Variants in EPS8 observed in about 807,000 individuals in gnomAD.
EPS8 encodes the protein EGFR pathway substrate 8, signaling adaptor.
A neutral mutation model predicts 103.8 loss-of-function variants in EPS8; 42 were observed. The ratio of observed to expected loss-of-function variants is 0.40; its 90% CI spans 0.32 to 0.52. The LOEUF (loss-of-function observed/expected upper bound fraction) is 0.52. Among genes scored for constraint, EPS8 ranks in the 20% least tolerant of loss-of-function variants. EPS8 has a pLI of 0.40. For missense variants in EPS8, 969 were observed against 1,005.1 expected, an observed-to-expected ratio of 0.96 and a Z score of 0.49; for synonymous variants, 344 against 344.6, an observed-to-expected ratio of 1.00 and a Z score of 0.02.
At chr12:15,651,234 G>A (rs1444796924) in intron 13 of EPS8, among the ~76,000 whole-genome samples, 1 of 152,188 alleles carries the variant, frequency 6.6e-6, no homozygotes, top group Non-Finnish European at 1.5e-5. Context: ...GAATTCTGTT[G>A]CATGATCTGT....
At chr12:15,650,694 G>C (rs1945396849) in intron 14 of EPS8, 129 bp downstream of exon 14, 3 of 768,864 alleles carry the variant, frequency 3.9e-6, no homozygotes, top group Non-Finnish European at 6.2e-6. Context: ...ATTCAGGACA[G>C]GGTAACATTC....
At chr12:15,766,910 C>T (rs1031847834) in intron 1 of EPS8, among the ~76,000 whole-genome samples, 2 of 152,162 alleles carry the variant, frequency 1.3e-5, no homozygotes, top group African/African-American at 4.8e-5. Flanking sequence ...GTATCCATAA[C>T]TACATTTGCT....
intron 1 of EPS8, among the ~76,000 whole-genome samples, chr12:15,775,792 G>A (rs1481419305): frequency 6.6e-6 from 1 of 151,990 alleles, no homozygotes; most frequent in African/African-American, 2.4e-5. Flanking sequence ...GCACTTAATA[G>A]GCACTTATTT....
In EPS8 at chr12:15,684,136, A is replaced by G. The variant is rs1245730270; in HGVS notation, c.-21-1164T>C. On this transcript the variant is annotated intron_variant, in intron 1 of 20. Coordinates refer to ENST00000281172, the MANE Select transcript of EPS8 (RefSeq NM_004447.6). This position sits in a 1 kb window ranked among gnomAD's most constrained non-coding sequence, Gnocchi z 4.9. ...TATCATTACAAAGGGAACATTCATC[A>G]TAACACGGATGCAAATAATAACAGA... The G allele has an allele frequency of 6.6e-6, 1 of 152,212 alleles. No individual in the cohort carries two copies. The highest frequency in any genetic ancestry group is 1.5e-5 in the Non-Finnish European group (1 of 68,028). 9.4% of individuals were successfully genotyped at this position (152,212 alleles called of 1,614,324 possible). A position where few individuals can be genotyped will look rare whatever the true frequency, so the allele number is the denominator to read the frequency against.
intron 1 of EPS8, among the ~76,000 whole-genome samples, chr12:15,689,016 C>A (rs573108943): frequency 6.6e-6 from 1 of 152,172 alleles, no homozygotes; most frequent in Admixed American, 6.5e-5. Context: ...ACTGAAGAAA[C>A]AAGCCACACC....
In EPS8 at chr12:15,647,151, G is replaced by A. The variant is rs759125189; in HGVS notation, c.1544C>T (p.Pro515Leu). ...DQGEAAVAFK[P>L]TSNRHIDRNY... ...CCTATCTATATGGCGATTAGAAGTT[G>A]GCTTAAAAGCAACAGCAGCTTCCCC... is the stretch of plus-strand genomic sequence containing the variant. The change falls in exon 15 of 21, where the codon CCA becomes CTA. Residue 515 changes from proline to leucine, a missense_variant. Coordinates refer to ENST00000281172, the MANE Select transcript of EPS8 (RefSeq NM_004447.6). The A allele has an allele frequency of 1.4e-5, 22 of 1,613,690 alleles. No homozygotes were observed. The Admixed American group carries it at 2.8e-4, about 21-fold the overall frequency.
chr12:15,665,729 A>G (rs748287992), intron 8 of EPS8, 27 bp downstream of exon 8: 4 of 1,612,392 alleles, frequency 2.5e-6, no homozygotes, highest in African/African-American at 2.7e-5. Context: ...TAAGTGTTCA[A>G]TAAGTATTAA....
In EPS8 at chr12:15,702,013, T is replaced by C. The variant is rs1946317317; in HGVS notation, c.-21-19041A>G. On this transcript the variant is annotated intron_variant, in intron 1 of 20. Coordinates refer to ENST00000281172, the MANE Select transcript of EPS8 (RefSeq NM_004447.6). The surrounding 1 kb of genome is among the most constrained non-coding windows in gnomAD (Gnocchi z 5.1). ...TTTATAACTGGTTCATGGAAACTAG[T>C]TTAAATATTAAATGACTACACATGT... 6.6e-6 allele frequency among the ~76,000 whole-genome samples: 1 copy of C among 152,216 alleles called. No homozygotes were observed. Among genetic ancestry groups the C allele is most frequent in the South Asian group, 2.1e-4 (1 of 4,828 alleles).
At position 15,767,043 on chromosome 12, in the gene EPS8, T is replaced by C. The variant is rs139362807; in HGVS notation, c.-22+22118A>G. On this transcript the variant is annotated intron_variant, in intron 1 of 20. Coordinates refer to ENST00000281172, the MANE Select transcript of EPS8 (RefSeq NM_004447.6). The surrounding 1 kb of genome is among the most constrained non-coding windows in gnomAD (Gnocchi z 5.5). The stretch of plus-strand genomic sequence containing the variant: ...TATATATATATGATGACAATGATGA[T>C]GGTGGTGGTGAGAATGATGATGGAG... Among the ~76,000 whole-genome samples the C allele has an allele frequency of 1.2e-4, 18 of 152,256 alleles. No individual in the cohort carries two copies. In the East Asian group the frequency reaches 3.5e-3, roughly 29 times the overall value.
chr12:15,631,103 T>C (rs959798866), intron 18 of EPS8, among the ~76,000 whole-genome samples: 3 of 152,212 alleles, frequency 2.0e-5, no homozygotes, highest in African/African-American at 7.2e-5. Context: ...TTTTAGATAT[T>C]GAAGTGCTGA....
chr12:15,681,305 G>C lies in EPS8; in HGVS notation c.60-3C>G. 9.2e-7 allele frequency: 1 copy of C among 1,083,584 alleles called. No homozygotes were observed. The highest frequency in any genetic ancestry group is 1.2e-6 in the Non-Finnish European group (1 of 800,032). 67.1% of individuals were successfully genotyped at this position (1,083,584 alleles called of 1,614,324 possible). A position where few individuals can be genotyped will look rare whatever the true frequency, so the allele number is the denominator to read the frequency against. ...AGGTAGGTGATGATCCGTAGCCACT[G>C]TAATAATAATAATAATAATAATAAT... On this transcript the variant is annotated splice_region_variant and splice_polypyrimidine_tract_variant and intron_variant, in intron 2 of 20. Coordinates refer to ENST00000281172, the MANE Select transcript of EPS8 (RefSeq NM_004447.6).
At chr12:15,740,356 C>G (rs1419490078) in intron 1 of EPS8, among the ~76,000 whole-genome samples, 1 of 151,818 alleles carries the variant, frequency 6.6e-6, no homozygotes, top group East Asian at 1.9e-4. Context: ...ACCAGCCTGG[C>G]CAACATGGTG....
chr12:15,625,827 C>T lies in EPS8; in HGVS notation c.2045-1420G>A, dbSNP rs117234232. Reference sequence around the variant, plus strand: ...TGAGACTCATCTCTGCCAGCACTACCTCCATCAATGACCACTGTGCTTAGG... The same window carrying T: ...TGAGACTCATCTCTGCCAGCACTACTTCCATCAATGACCACTGTGCTTAGG... On this transcript the variant is annotated intron_variant, in intron 18 of 20. Transcript: ENST00000281172. 2.0e-5 allele frequency among the ~76,000 whole-genome samples: 3 copies of T among 152,272 alleles called. No individual in the cohort carries two copies. In the East Asian group the frequency reaches 5.8e-4, roughly 29 times the overall value.
rs1947134636 is a variant in EPS8 at position 15,769,839 on chromosome 12, A to C, written c.-22+19322T>G. Among the ~76,000 whole-genome samples the C allele has an allele frequency of 6.6e-6, 1 of 152,160 alleles. No individual in the cohort carries two copies. Among genetic ancestry groups the C allele is most frequent in the South Asian group, 2.1e-4 (1 of 4,832 alleles). On this transcript the variant is annotated intron_variant, in intron 1 of 20. Transcript: ENST00000281172. This position sits in a 1 kb window ranked among gnomAD's most constrained non-coding sequence, Gnocchi z 4.6. ...AAAGTCATGTTTTATTATTTCTCAG[A>C]TGTATTCTGCAGTTATGCTGATTTT... is the stretch of plus-strand genomic sequence containing the variant.
At chr12:15,635,874 T>C (rs1945125451) in intron 17 of EPS8, among the ~76,000 whole-genome samples, 1 of 152,190 alleles carries the variant, frequency 6.6e-6, no homozygotes, top group African/African-American at 2.4e-5. Context: ...GGGAAACGTT[T>C]TGTTGAATTC....
At chr12:15,647,380 C>T in intron 14 of EPS8, 120 bp from the exon 15 acceptor site, 4 of 845,576 alleles carry the variant, frequency 4.7e-6, no homozygotes, top group Non-Finnish European at 7.1e-6. Context: ...AGTGACTGAC[C>T]ATTATGTTAA....
intron 1 of EPS8, among the ~76,000 whole-genome samples, chr12:15,740,043 G>A (rs1382286382): frequency 6.6e-6 from 1 of 151,976 alleles, no homozygotes; most frequent in Non-Finnish European, 1.5e-5. Flanking sequence ...CTACTCCGAG[G>A]TGACGGCAAA....
Position 15,653,388 on chromosome 12 carries a change from CCTCATCTCTATATG to C in EPS8, c.1250+743_1250+756del, listed in dbSNP as rs575334375. On this transcript the variant is annotated intron_variant, in intron 13 of 20. Coordinates refer to ENST00000281172, the MANE Select transcript of EPS8 (RefSeq NM_004447.6). ...GCACTGAAAGCCTGCATAATCCAGCCCTCATCTCTATATGCTCATCTCTATATGCTCATTTTAAT... is the reference window on the plus strand; with the variant it reads ...GCACTGAAAGCCTGCATAATCCAGCCCTCATCTCTATATGCTCATTTTAAT... 2.4e-3 allele frequency among the ~76,000 whole-genome samples: 365 copies of C among 152,176 alleles called. 1 individual carries two copies. Among genetic ancestry groups the C allele is most frequent in the Non-Finnish European group, 4.2e-3 (286 of 68,004 alleles).
chr12:15,730,721 T>A (rs1354581287), intron 1 of EPS8, among the ~76,000 whole-genome samples: 1 of 152,204 alleles, frequency 6.6e-6, no homozygotes, highest in Admixed American at 6.5e-5. Flanking sequence ...AGGACCACTA[T>A]ACATTGTTAT....
Sources: gnomAD v4.1 joint callset for allele counts (sites outside exome capture counted in the v4.1 genomes callset) on GRCh38, gnomAD v4.1.1 for gene constraint, Gnocchi (gnomAD v3.1) non-coding constraint, MANE v1.5 for transcripts, NCBI Gene and HGNC (gene_info 2026-07-23, HGNC 2026-07-21) for gene names.